Variants in ARK2C observed in about 807,000 individuals in gnomAD.
The protein encoded by ARK2C is E3 ubiquitin-protein ligase ARK2C.
the ARK2C span, among the ~76,000 whole-genome samples, chr18:46,366,902 A>C: frequency 6.6e-6 from 1 of 152,246 alleles, no homozygotes; most frequent in African/African-American, 2.4e-5. Context: ...CAAGTCCAGC[A>C]AAAGGTCTTC....
At chr18:46,422,479 G>A in the ARK2C span, among the ~76,000 whole-genome samples, 2 of 152,226 alleles carry the variant, frequency 1.3e-5, no homozygotes, top group African/African-American at 4.8e-5. Context: ...TGAGTAGAAC[G>A]TGAAGTCTGT....
At chr18:46,334,479 T>A in the ARK2C span, 1 of 623,240 alleles carries the variant, frequency 1.6e-6, no homozygotes, top group Non-Finnish European at 2.4e-6. The surrounding 1 kb of genome is among the most constrained non-coding windows in gnomAD (Gnocchi z 4.4). Flanking sequence ...CACCCCATTT[T>A]AGGGGGACCC....
chr18:46,340,642 C>T, the ARK2C span, among the ~76,000 whole-genome samples: 3 of 152,324 alleles, frequency 2.0e-5, no homozygotes, highest in South Asian at 6.2e-4. Flanking sequence ...AGTCCTAGCC[C>T]AGTCTTGACC....
chr18:46,416,001 C>G, the ARK2C span, among the ~76,000 whole-genome samples: 1 of 152,146 alleles, frequency 6.6e-6, no homozygotes, highest in Non-Finnish European at 1.5e-5. Context: ...CCACTCAGGG[C>G]TGGGGTTTGT....
the ARK2C span, among the ~76,000 whole-genome samples, chr18:46,382,881 A>C: frequency 1.3e-5 from 2 of 152,258 alleles, no homozygotes; most frequent in Admixed American, 1.3e-4. Context: ...CTGGACCGTC[A>C]GAGCCTCGGG....
At chr18:46,334,533 A>C in the ARK2C span, 2 of 491,914 alleles carry the variant, frequency 4.1e-6, no homozygotes, top group South Asian at 3.2e-5. This position sits in a 1 kb window ranked among gnomAD's most constrained non-coding sequence, Gnocchi z 4.4. Flanking sequence ...TTTGTAGTGA[A>C]GTTAGGGTTT....
At chr18:46,341,617 A>G in the ARK2C span, among the ~76,000 whole-genome samples, 1 of 152,284 alleles carries the variant, frequency 6.6e-6, no homozygotes, top group East Asian at 1.9e-4. Context: ...AGTCCTTTAC[A>G]TACAGATTCC....
chr18:46,382,052 C>A, the ARK2C span, among the ~76,000 whole-genome samples: 1 of 152,328 alleles, frequency 6.6e-6, no homozygotes, highest in East Asian at 1.9e-4. Flanking sequence ...GGAGCAGGCT[C>A]TCTTCCCTCC....
chr18:46,408,241 C>T, the ARK2C span, among the ~76,000 whole-genome samples: 5 of 152,114 alleles, frequency 3.3e-5, no homozygotes, highest in African/African-American at 9.7e-5. Context: ...GGGGAAGGTC[C>T]GCAGAAGGTG....
the ARK2C span, among the ~76,000 whole-genome samples, chr18:46,364,074 A>C: frequency 6.7e-6 from 1 of 149,566 alleles, no homozygotes; most frequent in Admixed American, 6.7e-5. Flanking sequence ...CAGCCTCCTG[A>C]GTAGCTTGGA....
At chr18:46,400,777 G>A in the ARK2C span, among the ~76,000 whole-genome samples, 1 of 152,142 alleles carries the variant, frequency 6.6e-6, no homozygotes, top group African/African-American at 2.4e-5. Context: ...CCCCGTCACT[G>A]TGCTCCTAAT....
At chr18:46,334,423 C>G in the ARK2C span, 1 of 1,177,254 alleles carries the variant, frequency 8.5e-7, no homozygotes, top group Non-Finnish European at 1.2e-6. This position sits in a 1 kb window ranked among gnomAD's most constrained non-coding sequence, Gnocchi z 4.4. Context: ...CGGCCGGGGG[C>G]TCAGGGCACA....
chr18:46,379,214 T>C, the ARK2C span, among the ~76,000 whole-genome samples: 6 of 152,336 alleles, frequency 3.9e-5, no homozygotes, highest in East Asian at 9.6e-4. Flanking sequence ...AGTCACTCAG[T>C]CAAGGAAAAC....
chr18:46,442,414 G>A, the ARK2C span, among the ~76,000 whole-genome samples: 2 of 152,034 alleles, frequency 1.3e-5, no homozygotes, highest in African/African-American at 2.4e-5. Flanking sequence ...TTTTGACCCT[G>A]GGTAATTTAG....
At chr18:46,337,030 C>T in the ARK2C span, 16 of 985,212 alleles carry the variant, frequency 1.6e-5, no homozygotes, top group African/African-American at 1.7e-5. Flanking sequence ...TTTGGACATC[C>T]GCCCTGGCCC....
chr18:46,358,856 AGCCTCAC>A, the ARK2C span, among the ~76,000 whole-genome samples: 1 of 152,212 alleles, frequency 6.6e-6, no homozygotes, highest in Non-Finnish European at 1.5e-5. Context: ...TGCTCAGAGC[AGCCTCAC>A]AAGAAATGTG....
At chr18:46,338,106 G>A in the ARK2C span, among the ~76,000 whole-genome samples, 6 of 152,064 alleles carry the variant, frequency 3.9e-5, no homozygotes, top group Non-Finnish European at 7.4e-5. Flanking sequence ...TTTCAGACTC[G>A]CCTAAAAACC....
chr18:46,428,186 G>A, the ARK2C span, among the ~76,000 whole-genome samples: 6 of 151,952 alleles, frequency 3.9e-5, no homozygotes, highest in Non-Finnish European at 8.8e-5. Flanking sequence ...CGAGGCTGGC[G>A]GACCACGAGG....
the ARK2C span, among the ~76,000 whole-genome samples, chr18:46,363,193 G>A: frequency 6.6e-6 from 1 of 152,208 alleles, no homozygotes; most frequent in African/African-American, 2.4e-5. Flanking sequence ...CTAAATGAAT[G>A]TGGCTTTACT....
Sources: allele counts gnomAD v4.1 joint callset (sites outside exome capture counted in the v4.1 genomes callset), GRCh38; gene constraint gnomAD v4.1.1; non-coding constraint Gnocchi (gnomAD v3.1); transcripts MANE v1.5; gene names NCBI Gene and HGNC (gene_info 2026-07-23, HGNC 2026-07-21).